The following AKT3 variants were observed in gnomAD, a reference collection of about 807,000 sequenced individuals.
AKT3 encodes RAC-gamma serine/threonine-protein kinase.
A neutral mutation model predicts 65.3 loss-of-function variants in AKT3; 15 were observed. The observed-to-expected ratio is 0.23, with a 90% confidence interval of 0.15 to 0.35. The LOEUF (loss-of-function observed/expected upper bound fraction) is 0.35, where lower values mean the gene tolerates loss of function less well. Ranked by LOEUF, AKT3 falls within the 10% of genes least tolerant of loss-of-function variation. AKT3 has a pLI of 1.00. For missense variants in AKT3, 243 were observed against 576.5 expected (o/e 0.42, Z 5.92); for synonymous variants, 206 against 183.8 (o/e 1.12, Z -0.98).
intron 1 of AKT3, among the ~76,000 whole-genome samples, chr1:243,845,516 T>C (rs2148482409): frequency 1.3e-5 from 1 of 78,668 alleles, no homozygotes; most frequent in Non-Finnish European, 2.6e-5. Flanking sequence ...GGTGGGAGGA[T>C]CACCTGAGCC....
intron 3 of AKT3, among the ~76,000 whole-genome samples, chr1:243,665,818 C>T (rs1682727578): frequency 6.6e-6 from 1 of 152,036 alleles, no homozygotes; most frequent in Non-Finnish European, 1.5e-5. Flanking sequence ...GTATTGGACA[C>T]CAAGAAAAAA....
intron 2 of AKT3, among the ~76,000 whole-genome samples, chr1:243,829,259 T>C (rs1694357618): frequency 6.6e-6 from 1 of 152,186 alleles, no homozygotes; most frequent in Admixed American, 6.5e-5. Flanking sequence ...CCTATATATT[T>C]ACTGCTTGGC....
intron 2 of AKT3, among the ~76,000 whole-genome samples, chr1:243,747,112 T>A (rs1342391032): frequency 6.6e-6 from 1 of 152,176 alleles, no homozygotes; most frequent in Non-Finnish European, 1.5e-5. Context: ...TCTACATTTA[T>A]TCCTAATGGA....
Position 243,499,729 on chromosome 1 carries a change from A to C in AKT3, c.*5520T>G. On this transcript the variant is annotated 3_prime_UTR_variant, in exon 14 of 14. Transcript: ENST00000673466. ...TAACATTGAAGAACATGAGCTATTG[A>C]AACTTACTTTTTATTATTTTTTCCA... The C allele has an allele frequency of 6.3e-7, 1 of 1,588,332 alleles. No homozygotes were observed. The highest frequency in any genetic ancestry group is 8.6e-7 in the Non-Finnish European group (1 of 1,156,748).
At chr1:243,848,613 CTAGTGATG>C (rs1404971713) in intron 1 of AKT3, among the ~76,000 whole-genome samples, 1 of 152,136 alleles carries the variant, frequency 6.6e-6, no homozygotes, top group Non-Finnish European at 1.5e-5. Flanking sequence ...CAGTGGTTGC[CTAGTGATG>C]TATAGTTCTA....
intron 2 of AKT3, among the ~76,000 whole-genome samples, chr1:243,705,492 T>C (rs1284793712): frequency 6.6e-6 from 1 of 152,236 alleles, no homozygotes; most frequent in Non-Finnish European, 1.5e-5. Flanking sequence ...CTTGTTCCAC[T>C]TGTTTTTAGG....
chr1:243,837,586 A>T (rs1694972243), intron 2 of AKT3, among the ~76,000 whole-genome samples: 1 of 152,224 alleles, frequency 6.6e-6, no homozygotes, highest in Non-Finnish European at 1.5e-5. Context: ...GACCAAATGG[A>T]ATTTATTCCA....
At chr1:243,649,442 T>C (rs1297279012) in intron 4 of AKT3, among the ~76,000 whole-genome samples, 1 of 151,908 alleles carries the variant, frequency 6.6e-6, no homozygotes, top group East Asian at 1.9e-4. Context: ...CTTTAAGTTC[T>C]GGGGTACATG....
At chr1:243,716,254 A>T (rs1686507959) in intron 2 of AKT3, among the ~76,000 whole-genome samples, 2 of 152,132 alleles carry the variant, frequency 1.3e-5, no homozygotes, top group Admixed American at 1.3e-4. Flanking sequence ...TACAGAACCA[A>T]ATGATCCTAG....
intron 12 of AKT3, among the ~76,000 whole-genome samples, chr1:243,537,355 A>G (rs539402543): frequency 6.6e-6 from 1 of 152,130 alleles, no homozygotes; most frequent in Non-Finnish European, 1.5e-5. Flanking sequence ...TTTAACTCCC[A>G]GAAGTGCTAT....
At chr1:243,741,984 T>A (rs1270840574) in intron 2 of AKT3, among the ~76,000 whole-genome samples, 1 of 148,690 alleles carries the variant, frequency 6.7e-6, no homozygotes, top group Non-Finnish European at 1.5e-5. Context: ...TTTTCCATAA[T>A]CCTCAGTTTG....
intron 3 of AKT3, among the ~76,000 whole-genome samples, chr1:243,688,194 G>A (rs1170647395): frequency 6.6e-6 from 1 of 151,988 alleles, no homozygotes; most frequent in Admixed American, 6.6e-5. Flanking sequence ...GTGATAAAAT[G>A]ATTAAATGAT....
intron 13 of AKT3, 43 bp downstream of exon 13, chr1:243,512,281 A>C: frequency 1.8e-6 from 2 of 1,114,870 alleles, no homozygotes; most frequent in African/African-American, 1.6e-5. Context: ...CATTAGGAGA[A>C]ATTATATTAG....
intron 3 of AKT3, among the ~76,000 whole-genome samples, chr1:243,670,780 A>G (rs1683105068): frequency 6.6e-6 from 1 of 152,196 alleles, no homozygotes; most frequent in African/African-American, 2.4e-5. Context: ...TCTACTGAGC[A>G]ACATGAACCA....
At chr1:243,795,026 C>T (rs1691865777) in intron 2 of AKT3, among the ~76,000 whole-genome samples, 1 of 152,140 alleles carries the variant, frequency 6.6e-6, no homozygotes, top group African/African-American at 2.4e-5. Flanking sequence ...GAAGGAAATA[C>T]ATGTCTTCTC....
intron 8 of AKT3, among the ~76,000 whole-genome samples, chr1:243,604,554 C>A (rs1332895587): frequency 3.9e-5 from 6 of 152,168 alleles, no homozygotes; most frequent in Non-Finnish European, 5.9e-5. Context: ...TCCTTCCCAA[C>A]CTTAGTGATA....
At chr1:243,738,093 T>G (rs1314962787) in intron 2 of AKT3, among the ~76,000 whole-genome samples, 1 of 152,238 alleles carries the variant, frequency 6.6e-6, no homozygotes, top group East Asian at 1.9e-4. Flanking sequence ...GCAGGTTAGC[T>G]CCACCATTTT....
intron 12 of AKT3, among the ~76,000 whole-genome samples, chr1:243,525,496 A>G (rs2148396847): frequency 6.6e-6 from 1 of 151,978 alleles, no homozygotes; most frequent in South Asian, 2.1e-4. Context: ...TCAATGACGT[A>G]AAGTAAAATA....
chr1:243,579,633 T>C (rs1194076367), intron 8 of AKT3, among the ~76,000 whole-genome samples: 2 of 152,174 alleles, frequency 1.3e-5, no homozygotes, highest in Admixed American at 6.5e-5. Flanking sequence ...CAAGGTATTA[T>C]TGAACCAGAA....
Sources: gnomAD v4.1 joint callset for allele counts (sites outside exome capture counted in the v4.1 genomes callset) on GRCh38, gnomAD v4.1.1 for gene constraint, MANE v1.5 for transcripts, NCBI Gene and HGNC (gene_info 2026-07-23, HGNC 2026-07-21) for gene names.